The following B3GALT1 variants were observed in gnomAD, a reference collection of about 807,000 sequenced individuals.
B3GALT1 encodes UDP-Gal:betaGlcNAc beta 1,3-galactosyltransferase, polypeptide 1.
Under a neutral mutation model 23.2 loss-of-function variants are expected in B3GALT1, and 10 were observed. The ratio of observed to expected loss-of-function variants is 0.43; its 90% confidence interval spans 0.27 to 0.73. The LOEUF (loss-of-function observed/expected upper bound fraction) is 0.73, where lower values mean the gene tolerates loss of function less well. Among genes scored for constraint, B3GALT1 ranks in the 30% least tolerant of loss-of-function variants. B3GALT1 has a pLI of 0.21. For synonymous variants in B3GALT1, 156 were observed against 141.5 expected (o/e 1.10, Z -0.73); for missense variants, 299 against 405.4 (o/e 0.74, Z 2.25).
rs1461774050 is a variant in B3GALT1 at position 167,873,779 on chromosome 2, T to C, written c.*3759T>C. On this transcript the variant is annotated 3_prime_UTR_variant, in exon 5 of 5. Coordinates refer to ENST00000392690, the MANE Select transcript of B3GALT1 (RefSeq NM_020981.4). The stretch of plus-strand genomic sequence containing the variant: ...AAAGTAATTGTCTGTAAAAGTGCAC[T>C]CTCCAGGTTTGTAGTACTATTTAGG... 3.3e-5 allele frequency: 5 copies of C among 152,222 alleles called. No individual in the cohort carries two copies. The highest frequency in any genetic ancestry group is 6.5e-5 in the Admixed American group (1 of 15,284). The allele number at this position is 152,222 out of a possible 1,614,324, so 9.4% of individuals were successfully genotyped here.
At chr2:167,347,722 T>C (rs1697246144) in intron 1 of B3GALT1, among the ~76,000 whole-genome samples, 1 of 152,166 alleles carries the variant, frequency 6.6e-6, no homozygotes, top group Admixed American at 6.5e-5. Context: ...TGCAATTCTA[T>C]CATTCTTGCT....
At chr2:167,487,869 C>T (rs1277450334) in intron 1 of B3GALT1, among the ~76,000 whole-genome samples, 1 of 152,112 alleles carries the variant, frequency 6.6e-6, no homozygotes, top group Non-Finnish European at 1.5e-5. Context: ...ATAATGCTTG[C>T]TTTTGGGAAA....
intron 3 of B3GALT1, among the ~76,000 whole-genome samples, chr2:167,784,707 T>C (rs1009353554): frequency 1.3e-5 from 2 of 152,162 alleles, no homozygotes; most frequent in Non-Finnish European, 2.9e-5. Flanking sequence ...ATATCTGGAC[T>C]ACGTAAATAC....
intron 2 of B3GALT1, among the ~76,000 whole-genome samples, chr2:167,567,332 T>C (rs551994422): frequency 3.1e-4 from 47 of 152,330 alleles, no homozygotes; most frequent in Non-Finnish European, 5.6e-4. Flanking sequence ...GATTTAAATA[T>C]AGGAGTTGTC....
intron 3 of B3GALT1, among the ~76,000 whole-genome samples, chr2:167,686,562 T>G (rs186414493): frequency 6.6e-6 from 1 of 152,300 alleles, no homozygotes; most frequent in East Asian, 1.9e-4. Flanking sequence ...TGTTACTTAT[T>G]TGATGATTTT....
At chr2:167,539,719 A>G (rs1025969385) in intron 2 of B3GALT1, among the ~76,000 whole-genome samples, 13 of 152,256 alleles carry the variant, frequency 8.5e-5, no homozygotes, top group Middle Eastern at 3.4e-3. Context: ...TTCTATTTAT[A>G]CAGCTTTATT....
intron 3 of B3GALT1, among the ~76,000 whole-genome samples, chr2:167,720,204 A>G (rs1333906346): frequency 6.6e-6 from 1 of 152,182 alleles, no homozygotes. Context: ...AACATTTTCT[A>G]CGTAGGAATT....
At chr2:167,753,066 A>G (rs931471174) in intron 3 of B3GALT1, among the ~76,000 whole-genome samples, 2 of 152,224 alleles carry the variant, frequency 1.3e-5, no homozygotes, top group Non-Finnish European at 2.9e-5. Context: ...ACCAGTGTTA[A>G]TGAAGGTCCT....
intron 4 of B3GALT1, among the ~76,000 whole-genome samples, chr2:167,821,431 CTTTTTTTTTTTTTT>C (rs10573752): frequency 9.2e-6 from 1 of 108,724 alleles, no homozygotes; most frequent in Non-Finnish European, 1.8e-5. Context: ...AAGGAAGGTA[CTTTTTTTTTTTTTT>C]TTTTTTTTGA....
At chr2:167,483,068 C>A (rs1031468515) in intron 1 of B3GALT1, among the ~76,000 whole-genome samples, 4 of 151,948 alleles carry the variant, frequency 2.6e-5, no homozygotes, top group Admixed American at 2.0e-4. Flanking sequence ...TGGAGGCAGG[C>A]AGATCACCTG....
Position 167,824,566 on chromosome 2 carries a change from CCT to C in B3GALT1, c.-230+5778_-230+5779del, listed in dbSNP as rs1689175451. Among the ~76,000 whole-genome samples the C allele has an allele frequency of 3.3e-5, 5 of 152,192 alleles. No homozygotes were observed. The South Asian group carries it at 1.0e-3, about 32-fold the overall frequency. The stretch of plus-strand genomic sequence containing the variant: ...CTTGACTCCCAGTCTTGCTCTCGGT[CCT>C]CTCTACCACTCCACCCTCCAGGGCT... On this transcript the variant is annotated intron_variant, in intron 4 of 4. Transcript: ENST00000392690.
intron 4 of B3GALT1, among the ~76,000 whole-genome samples, chr2:167,842,568 T>G (rs1689672403): frequency 6.6e-6 from 1 of 152,204 alleles, no homozygotes; most frequent in Non-Finnish European, 1.5e-5. Flanking sequence ...TCTTTAAATG[T>G]TAAAATTAAT....
At chr2:167,448,268 C>G (rs1699033535) in intron 1 of B3GALT1, among the ~76,000 whole-genome samples, 1 of 152,228 alleles carries the variant, frequency 6.6e-6, no homozygotes, top group East Asian at 1.9e-4. Context: ...CTTTTCACCA[C>G]ATCTATGCCG....
intron 2 of B3GALT1, among the ~76,000 whole-genome samples, chr2:167,563,288 T>G: frequency 9.7e-6 from 1 of 103,080 alleles, no homozygotes; most frequent in South Asian, 3.4e-4. Flanking sequence ...GGCTCCTCAC[T>G]TCCCAGTAGG....
chr2:167,758,638 C>G (rs1307675702), intron 3 of B3GALT1, among the ~76,000 whole-genome samples: 1 of 152,136 alleles, frequency 6.6e-6, no homozygotes, highest in East Asian at 1.9e-4. Flanking sequence ...TCATGCCTGT[C>G]CATTGTCTCC....
chr2:167,662,683 C>T (rs1355285788), intron 3 of B3GALT1, among the ~76,000 whole-genome samples: 1 of 151,976 alleles, frequency 6.6e-6, no homozygotes, highest in Non-Finnish European at 1.5e-5. Flanking sequence ...AATGGCTCCC[C>T]ATATGACATA....
At chr2:167,734,369 T>A (rs1188426428) in intron 3 of B3GALT1, among the ~76,000 whole-genome samples, 1 of 152,198 alleles carries the variant, frequency 6.6e-6, no homozygotes, top group Non-Finnish European at 1.5e-5. Flanking sequence ...TGTTTGTGGC[T>A]GCCACTGTAA....
chr2:167,457,293 C>G (rs1055324490), intron 1 of B3GALT1, among the ~76,000 whole-genome samples: 5 of 152,034 alleles, frequency 3.3e-5, no homozygotes, highest in African/African-American at 1.2e-4. Flanking sequence ...CTGCCTCAGC[C>G]TCCCACGTAG....
intron 1 of B3GALT1, among the ~76,000 whole-genome samples, chr2:167,449,740 G>T (rs1425031519): frequency 2.0e-5 from 3 of 152,094 alleles, no homozygotes; most frequent in African/African-American, 4.8e-5. Flanking sequence ...TGTCATAGAT[G>T]GCTTTTACTA....
Sources: gnomAD v4.1 joint callset for allele counts (sites outside exome capture counted in the v4.1 genomes callset) on GRCh38, gnomAD v4.1.1 for gene constraint, MANE v1.5 for transcripts, NCBI Gene and HGNC (gene_info 2026-07-23, HGNC 2026-07-21) for gene names.